SYNPR: variants seen among roughly 807,000 people sequenced by gnomAD.
SYNPR encodes the protein synaptoporin.
In SYNPR, 23 loss-of-function variants were observed where a neutral mutation model predicts 32.9. The ratio of observed to expected loss-of-function variants is 0.70; its 90% CI spans 0.50 to 0.99. The LOEUF (loss-of-function observed/expected upper bound fraction) is 0.99. Among genes scored for constraint, SYNPR ranks in the 50% least tolerant of loss-of-function variants. The pLI is 0.00. For missense variants in SYNPR, 318 were observed against 349.3 expected (o/e 0.91, Z 0.71); for synonymous variants, 146 against 135.9 (o/e 1.07, Z -0.52).
chr3:63,292,960 A>G (rs4499588), intron 2 of SYNPR, among the ~76,000 whole-genome samples: 70,724 of 152,072 alleles, frequency 0.47, 16,643 homozygotes, highest in Middle Eastern at 0.52. Context: ...CAGACACACC[A>G]TAGCCTCAGG....
intron 2 of SYNPR, among the ~76,000 whole-genome samples, chr3:63,414,028 A>G (rs2088505333): frequency 6.6e-6 from 1 of 151,132 alleles, no homozygotes; most frequent in African/African-American, 2.4e-5. Context: ...ATATATAGAG[A>G]GAGAGAGAGA....
At chr3:63,371,527 C>T (rs993121451) in intron 2 of SYNPR, among the ~76,000 whole-genome samples, 3 of 152,260 alleles carry the variant, frequency 2.0e-5, no homozygotes, top group African/African-American at 7.2e-5. Context: ...GCAGCTCTGA[C>T]TTCCCTGGGA....
chr3:63,403,747 G>A (rs936948923), intron 2 of SYNPR, among the ~76,000 whole-genome samples: 6 of 152,162 alleles, frequency 3.9e-5, no homozygotes, highest in Non-Finnish European at 8.8e-5. Flanking sequence ...AACATGATGG[G>A]GGAGCTGGAA....
chr3:63,377,452 C>T (rs1219543878), intron 2 of SYNPR, among the ~76,000 whole-genome samples: 1 of 152,028 alleles, frequency 6.6e-6, no homozygotes, highest in Non-Finnish European at 1.5e-5. Flanking sequence ...TGGAAAGGTA[C>T]AGTAAAATAG....
At chr3:63,334,287 CAGA>C (rs2087260878) in intron 2 of SYNPR, among the ~76,000 whole-genome samples, 1 of 152,116 alleles carries the variant, frequency 6.6e-6, no homozygotes, top group Non-Finnish European at 1.5e-5. Flanking sequence ...TACTTAAAAT[CAGA>C]AGGTCAACCT....
At chr3:63,258,581 G>C (rs1202480069) in intron 2 of SYNPR, among the ~76,000 whole-genome samples, 1 of 152,016 alleles carries the variant, frequency 6.6e-6, no homozygotes, top group East Asian at 1.9e-4. Context: ...AGTGCGTAGA[G>C]GGAAATTTAT....
chr3:63,560,148 G>C (rs2106832659), intron 4 of SYNPR, among the ~76,000 whole-genome samples: 1 of 152,288 alleles, frequency 6.6e-6, no homozygotes, highest in East Asian at 1.9e-4. Flanking sequence ...GGAACAGAGA[G>C]AGATAATTCT....
intron 2 of SYNPR, among the ~76,000 whole-genome samples, chr3:63,350,859 C>T (rs778592556): frequency 9.2e-5 from 14 of 152,164 alleles, no homozygotes; most frequent in Non-Finnish European, 1.9e-4. Context: ...AATTGGCCCC[C>T]GAGCCCATCA....
At chr3:63,438,909 G>T (rs73110877) in intron 2 of SYNPR, among the ~76,000 whole-genome samples, 1 of 152,070 alleles carries the variant, frequency 6.6e-6, no homozygotes, top group Non-Finnish European at 1.5e-5. Flanking sequence ...ATCTTTGATT[G>T]CCTCCTTTCT....
chr3:63,503,308 T>G (rs1487166791), intron 3 of SYNPR, among the ~76,000 whole-genome samples: 1 of 152,170 alleles, frequency 6.6e-6, no homozygotes, highest in African/African-American at 2.4e-5. Context: ...GTTTCCTTAT[T>G]GTTGAGGTTT....
chr3:63,405,780 A>G (rs2088352061), intron 2 of SYNPR, among the ~76,000 whole-genome samples: 1 of 152,184 alleles, frequency 6.6e-6, no homozygotes, highest in Non-Finnish European at 1.5e-5. Flanking sequence ...GCATAAATGG[A>G]TTTGAAAAGA....
intron 4 of SYNPR, among the ~76,000 whole-genome samples, chr3:63,597,727 C>T (rs894577595): frequency 1.6e-4 from 24 of 152,182 alleles, no homozygotes; most frequent in African/African-American, 5.5e-4. Context: ...ATCTAATCTC[C>T]CTCACACAGC....
At chr3:63,487,661 G>A (rs1245387160) in intron 3 of SYNPR, among the ~76,000 whole-genome samples, 2 of 152,128 alleles carry the variant, frequency 1.3e-5, no homozygotes, top group East Asian at 1.9e-4. Context: ...CTTGATTAAC[G>A]TGCTTTTAAC....
At chr3:63,597,248 A>T (rs140352609) in intron 4 of SYNPR, among the ~76,000 whole-genome samples, 1 of 152,274 alleles carries the variant, frequency 6.6e-6, no homozygotes, top group African/African-American at 2.4e-5. Flanking sequence ...AGTCATTTTT[A>T]AAATTTAAAT....
chr3:63,420,875 T>G (rs1398305992), intron 2 of SYNPR, among the ~76,000 whole-genome samples: 1 of 152,110 alleles, frequency 6.6e-6, no homozygotes, highest in East Asian at 1.9e-4. Flanking sequence ...AAGAAGCAAT[T>G]TTTTAATTTA....
chr3:63,212,538 C>G, the SYNPR span, among the ~76,000 whole-genome samples: 3 of 29,012 alleles, frequency 1.0e-4, no homozygotes, highest in African/African-American at 4.1e-4. Flanking sequence ...ATGTCCTTCG[C>G]CCACTTTTTG....
chr3:63,549,210 T>C (rs952137735), intron 3 of SYNPR, among the ~76,000 whole-genome samples: 1 of 152,224 alleles, frequency 6.6e-6, no homozygotes, highest in African/African-American at 2.4e-5. Flanking sequence ...GGGTACCTTG[T>C]ACAATGCCTA....
the SYNPR span, among the ~76,000 whole-genome samples, chr3:63,205,043 C>T: frequency 1.3e-5 from 2 of 152,164 alleles, no homozygotes; most frequent in Non-Finnish European, 2.9e-5. Context: ...TTTCACCATC[C>T]TTTTCTGACC....
chr3:63,480,740 C>T, intron 2 of SYNPR, 92 bp from the exon 3 acceptor site: 1 of 1,475,160 alleles, frequency 6.8e-7, no homozygotes, highest in Non-Finnish European at 9.1e-7. Flanking sequence ...CATAAATTCC[C>T]TCAATCCAGA....
Sources: allele counts gnomAD v4.1 joint callset (sites outside exome capture counted in the v4.1 genomes callset), GRCh38; gene constraint gnomAD v4.1.1; transcripts MANE v1.5; gene names NCBI Gene and HGNC (gene_info 2026-07-23, HGNC 2026-07-21).